The following NHEJ1 variants were observed in gnomAD, a reference collection of about 807,000 sequenced individuals.
NHEJ1 encodes non-homologous end joining factor 1.
NHEJ1 carries 22 observed loss-of-function variants against 39.4 expected under a neutral mutation model. The ratio of observed to expected loss-of-function variants is 0.56; its 90% CI spans 0.40 to 0.80. NHEJ1 has a LOEUF of 0.80. Among genes scored for constraint, NHEJ1 ranks in the 30% least tolerant of loss-of-function variants. The pLI, the probability that NHEJ1 is intolerant of heterozygous loss-of-function variation, is 0.00. For missense variants in NHEJ1, 329 were observed against 357.1 expected, an observed-to-expected ratio of 0.92 and a Z score of 0.63; for synonymous variants, 154 against 135.6, an observed-to-expected ratio of 1.14 and a Z score of -0.94.
At chr2:219,104,447 G>T (rs1949295846) in intron 5 of NHEJ1, among the ~76,000 whole-genome samples, 1 of 152,196 alleles carries the variant, frequency 6.6e-6, no homozygotes, top group African/African-American at 2.4e-5. Context: ...TCTACCCAGG[G>T]TGTTCCCTTA....
intron 5 of NHEJ1, among the ~76,000 whole-genome samples, chr2:219,109,428 C>T (rs924160443): frequency 2.6e-5 from 4 of 152,150 alleles, no homozygotes; most frequent in Non-Finnish European, 5.9e-5. Context: ...ACCTTTAAAA[C>T]TGGCCATTAA....
chr2:219,150,719 G>A (rs1175685222), intron 3 of NHEJ1, among the ~76,000 whole-genome samples: 2 of 152,124 alleles, frequency 1.3e-5, no homozygotes, highest in Non-Finnish European at 1.5e-5. Flanking sequence ...ACTGTGGGAG[G>A]CCGAGGCAAG....
chr2:219,128,733 T>C (rs989184152), intron 5 of NHEJ1, among the ~76,000 whole-genome samples: 11 of 152,104 alleles, frequency 7.2e-5, no homozygotes, highest in African/African-American at 2.7e-4. Flanking sequence ...GACACACAAA[T>C]AGGAGAGTCC....
chr2:219,125,766 G>A (rs1482241714), intron 5 of NHEJ1: 1 of 152,296 alleles, frequency 6.6e-6, no homozygotes, highest in African/African-American at 2.4e-5. Flanking sequence ...CTACAGACTA[G>A]GTGTCCACTG....
intron 5 of NHEJ1, among the ~76,000 whole-genome samples, chr2:219,120,353 A>C (rs1381991322): frequency 6.6e-6 from 1 of 152,230 alleles, no homozygotes; most frequent in Non-Finnish European, 1.5e-5. Context: ...GTAGTGTAGC[A>C]ATTTCTCATT....
At chr2:219,079,213 C>T (rs1487647667) in intron 5 of NHEJ1, among the ~76,000 whole-genome samples, 3 of 152,142 alleles carry the variant, frequency 2.0e-5, no homozygotes, top group South Asian at 2.1e-4. Flanking sequence ...GGCTGCACTT[C>T]GGAATCTTGG....
At chr2:219,136,849 C>T (rs780477024) in intron 5 of NHEJ1, among the ~76,000 whole-genome samples, 5 of 152,206 alleles carry the variant, frequency 3.3e-5, no homozygotes, top group East Asian at 1.9e-4. Context: ...CTGATCTGCC[C>T]GCCTCAGCCT....
chr2:219,111,134 G>A lies in NHEJ1; in HGVS notation c.589-32928C>T, dbSNP rs952477819. On this transcript the variant is annotated intron_variant, in intron 5 of 7. Transcript: ENST00000356853. The surrounding 1 kb of genome is among the most constrained non-coding windows in gnomAD (Gnocchi z 4.1). The stretch of plus-strand genomic sequence containing the variant: ...ATTCCTTAACTAAGGACCAGAGGGG[G>A]GAAAATCATTTTAAAGATGATTTTA... Among the ~76,000 whole-genome samples, 4 of 152,114 alleles carry A rather than the reference G, an allele frequency of 2.6e-5. No individual in the cohort carries two copies. The highest frequency in any genetic ancestry group is 9.7e-5 in the African/African-American group (4 of 41,420).
In NHEJ1 at chr2:219,076,161, AGAGAG is replaced by A; in HGVS notation, c.*215_*219del. ...CTGAACCTACAGAACCTCCACCAAA[AGAGAG>A]GAGAGCACGGGATTCTCAGAGACTG... On this transcript the variant is annotated 3_prime_UTR_variant, in exon 8 of 8. Transcript: ENST00000356853. 2 of 1,006,900 alleles carry A rather than the reference AGAGAG, an allele frequency of 2.0e-6. No individual in the cohort carries two copies. The allele number at this position is 1,006,900 out of a possible 1,614,324, so 62.4% of individuals were successfully genotyped here. A position where few individuals can be genotyped will look rare whatever the true frequency, so the allele number is the denominator to read the frequency against.
chr2:219,159,471 C>A (rs1949890618), intron 1 of NHEJ1: 1 of 147,200 alleles, frequency 6.8e-6, no homozygotes, highest in African/African-American at 2.5e-5. Flanking sequence ...CAGTCATTTC[C>A]CCTAGCTTTT....
rs182201779 is a variant in NHEJ1 at position 219,071,019 on chromosome 2, A to C, written c.*5362T>G. ...CCCCGCTAGGCAACAATGCTAAATG[A>C]AACTGGCAGTCTTCCCTTCTCATGT... On this transcript the variant is annotated 3_prime_UTR_variant, in exon 8 of 8. Coordinates refer to ENST00000356853, the MANE Select transcript of NHEJ1 (RefSeq NM_024782.3). Among the ~76,000 whole-genome samples the C allele has an allele frequency of 6.6e-6, 1 of 152,332 alleles. No homozygotes were observed. The highest frequency in any genetic ancestry group is 1.5e-5 in the Non-Finnish European group (1 of 68,024).
At chr2:219,159,491 CCTTGTGA>C (rs1033279662) in intron 1 of NHEJ1, among the ~76,000 whole-genome samples, 2 of 131,160 alleles carry the variant, frequency 1.5e-5, no homozygotes, top group African/African-American at 5.7e-5. Flanking sequence ...TGAAGTGTGC[CCTTGTGA>C]CTTGTGACAT....
chr2:219,087,946 G>C (rs1183964512), intron 5 of NHEJ1, among the ~76,000 whole-genome samples: 1 of 152,054 alleles, frequency 6.6e-6, no homozygotes, highest in Non-Finnish European at 1.5e-5. Flanking sequence ...CATACCTAAG[G>C]CTTAGTCATA....
chr2:219,089,884 T>C (rs950406497), intron 5 of NHEJ1, among the ~76,000 whole-genome samples: 1 of 152,214 alleles, frequency 6.6e-6, no homozygotes, highest in African/African-American at 2.4e-5. Context: ...TGGACAACTT[T>C]TAAAGAACTT....
chr2:219,076,349 A>G lies in NHEJ1; in HGVS notation c.*32T>C. On this transcript the variant is annotated 3_prime_UTR_variant, in exon 8 of 8. Coordinates refer to ENST00000356853, the MANE Select transcript of NHEJ1 (RefSeq NM_024782.3). ...GGTGAAGCTTGGAAGCTGTTCTCCA[A>G]GTCCATCCTCAGCAGCTGAGGCCAC... 1 of 1,614,148 alleles carries G rather than the reference A, an allele frequency of 6.2e-7. No homozygotes were observed. The highest frequency in any genetic ancestry group is 8.5e-7 in the Non-Finnish European group (1 of 1,180,032).
intron 5 of NHEJ1, among the ~76,000 whole-genome samples, chr2:219,118,700 G>A (rs569644225): frequency 1.3e-5 from 2 of 152,360 alleles, no homozygotes; most frequent in African/African-American, 4.8e-5. Flanking sequence ...GGCCACAGGG[G>A]ATTCAGGCGG....
intron 5 of NHEJ1, among the ~76,000 whole-genome samples, chr2:219,134,088 T>C (rs1177721332): frequency 6.6e-6 from 1 of 152,256 alleles, no homozygotes; most frequent in Non-Finnish European, 1.5e-5. Context: ...ATTGTCTCCA[T>C]TGCCTTATCC....
chr2:219,088,906 AG>A (rs1343184053), intron 5 of NHEJ1, among the ~76,000 whole-genome samples: 2 of 152,106 alleles, frequency 1.3e-5, no homozygotes, highest in Admixed American at 1.3e-4. Flanking sequence ...TCCGCCTCCC[AG>A]GTTCATGCCA....
rs115772275 is a variant in NHEJ1 at position 219,156,766 on chromosome 2, A to G, written c.390+706T>C. On this transcript the variant is annotated intron_variant, in intron 3 of 7. Coordinates refer to ENST00000356853, the MANE Select transcript of NHEJ1 (RefSeq NM_024782.3). ...ATGATGAGATAATGTTTAGAAAGGT[A>G]TCTAACACTGGTACATATTCTATTC... Among the ~76,000 whole-genome samples the G allele has an allele frequency of 8.9e-3, 1,354 of 152,376 alleles. 24 individuals are homozygous for G. Among genetic ancestry groups the G allele is most frequent in the African/African-American group, 0.031 (1,293 of 41,588 alleles).
Sources: gnomAD v4.1 joint callset for allele counts (sites outside exome capture counted in the v4.1 genomes callset) on GRCh38, gnomAD v4.1.1 for gene constraint, Gnocchi (gnomAD v3.1) non-coding constraint, MANE v1.5 for transcripts, NCBI Gene and HGNC (gene_info 2026-07-23, HGNC 2026-07-21) for gene names.